The following FAM149B1 variants were observed in gnomAD, a reference collection of about 807,000 sequenced individuals.
FAM149B1 encodes primary cilium assembly protein FAM149B1.
A neutral mutation model predicts 75.3 loss-of-function variants in FAM149B1; 56 were observed. That is an observed-to-expected ratio of 0.74 (90% CI 0.60 to 0.93). The LOEUF (loss-of-function observed/expected upper bound fraction) is 0.93. Ranked by LOEUF, FAM149B1 falls within the 40% of genes least tolerant of loss-of-function variation. FAM149B1 has a pLI of 0.00. For synonymous variants in FAM149B1, 259 were observed against 256.1 expected, an observed-to-expected ratio of 1.01 and a Z score of -0.11; for missense variants, 639 against 708.4, an observed-to-expected ratio of 0.90 and a Z score of 1.11.
rs1333099840 is a variant in FAM149B1, at chr10:73,243,624, G to A, written c.*2605G>A. 1 of 1,447,098 alleles carries A rather than the reference G, an allele frequency of 6.9e-7. No individual in the cohort carries two copies. Among genetic ancestry groups the A allele is most frequent in the Non-Finnish European group, 9.4e-7 (1 of 1,060,924 alleles). The allele number at this position is 1,447,098 out of a possible 1,614,324, so 89.6% of individuals were successfully genotyped here. A position where few individuals can be genotyped will look rare whatever the true frequency, so the allele number is the denominator to read the frequency against. On this transcript the variant is annotated 3_prime_UTR_variant, in exon 14 of 14. Coordinates refer to ENST00000242505, the MANE Select transcript of FAM149B1 (RefSeq NM_173348.2). ...AAGTGGAATAACTACTAATGGGTAT[G>A]GAGTTTTTTTGGAATGGTGAAAATG...
intron 3 of FAM149B1, among the ~76,000 whole-genome samples, chr10:73,179,522 T>C (rs1479799090): frequency 6.6e-6 from 1 of 151,594 alleles, no homozygotes. Flanking sequence ...CAAGCCATCC[T>C]CCTGCCTCAG....
chr10:73,172,192 T>C (rs550566623), intron 1 of FAM149B1, among the ~76,000 whole-genome samples: 2 of 152,346 alleles, frequency 1.3e-5, no homozygotes, highest in African/African-American at 4.8e-5. Flanking sequence ...TTTCCACTTT[T>C]TCAAAGACAA....
chr10:73,234,977 C>A, intron 11 of FAM149B1, 37 bp downstream of exon 11: 1 of 1,548,010 alleles, frequency 6.5e-7, no homozygotes, highest in South Asian at 1.2e-5. Context: ...ATGTACTTAC[C>A]ATACAACCTA....
chr10:73,201,677 A>C (rs1191988727), intron 5 of FAM149B1, among the ~76,000 whole-genome samples: 2 of 152,256 alleles, frequency 1.3e-5, no homozygotes, highest in East Asian at 3.9e-4. Flanking sequence ...AGGCATTCGA[A>C]TGCATTTTAT....
chr10:73,219,550 T>C (rs113164240), intron 7 of FAM149B1, among the ~76,000 whole-genome samples: 3 of 152,194 alleles, frequency 2.0e-5, no homozygotes, highest in Admixed American at 1.3e-4. Context: ...GAAACTGGCA[T>C]AAGGACAGAC....
rs558516290 is a variant in FAM149B1, at chr10:73,210,388, T to C, written c.848T>C (p.Val283Ala). Residue 283 changes from valine to alanine, a missense_variant, in exon 7 of 14, where the codon GTG (valine) becomes GCG (alanine). Val to Ala is a moderately conservative substitution (Grantham distance 64). Transcript: ENST00000242505. ...YVFDSVWCKVVSCMEQLTRSH... is the reference protein window; with the variant it reads ...YVFDSVWCKVASCMEQLTRSH... ...TTTGACAGTGTATGGTGCAAGGTTGTGAGCTGTATGGAGCAGTTGACACGT... is the reference window on the plus strand; with the variant it reads ...TTTGACAGTGTATGGTGCAAGGTTGCGAGCTGTATGGAGCAGTTGACACGT... 2.2e-5 allele frequency: 34 copies of C among 1,549,964 alleles called. No individual in the cohort carries two copies. The highest frequency in any genetic ancestry group is 3.9e-5 in the Admixed American group (2 of 50,988).
intron 3 of FAM149B1, among the ~76,000 whole-genome samples, chr10:73,190,994 C>G (rs2042669047): frequency 6.6e-6 from 1 of 152,148 alleles, no homozygotes; most frequent in African/African-American, 2.4e-5. Flanking sequence ...GCTGAGATTA[C>G]AGGTGTGAAC....
intron 5 of FAM149B1, chr10:73,200,625 C>T (rs1201194402): frequency 4.7e-6 from 3 of 644,540 alleles, no homozygotes; most frequent in East Asian, 4.3e-5. Context: ...AAATTAAATA[C>T]AAGTATTTAG....
chr10:73,239,925 A>C (rs2043903637), intron 13 of FAM149B1, among the ~76,000 whole-genome samples: 5 of 152,158 alleles, frequency 3.3e-5, no homozygotes, highest in Admixed American at 3.3e-4. Context: ...GATGGGAGAA[A>C]ATTGAGGGAT....
At chr10:73,180,833 G>A (rs1270970684) in intron 3 of FAM149B1, among the ~76,000 whole-genome samples, 1 of 151,988 alleles carries the variant, frequency 6.6e-6, no homozygotes, top group Non-Finnish European at 1.5e-5. Flanking sequence ...TTTGTGCTAT[G>A]AAATAGTAGG....
chr10:73,219,018 T>G (rs769250688), intron 7 of FAM149B1, among the ~76,000 whole-genome samples: 28 of 152,172 alleles, frequency 1.8e-4, no homozygotes, highest in Non-Finnish European at 1.3e-4. Flanking sequence ...CTCCCTCCAG[T>G]GGCCAATAAC....
At chr10:73,196,042 T>C (rs1173164320) in intron 5 of FAM149B1, among the ~76,000 whole-genome samples, 1 of 152,196 alleles carries the variant, frequency 6.6e-6, no homozygotes, top group Non-Finnish European at 1.5e-5. Flanking sequence ...TTAGCAATAA[T>C]TAGTATTGAT....
At chr10:73,235,458 A>G in intron 12 of FAM149B1, 140 bp downstream of exon 12, 2 of 1,447,290 alleles carry the variant, frequency 1.4e-6, no homozygotes, top group Non-Finnish European at 1.8e-6. Context: ...AAAAAGTGTT[A>G]TAAATACATT....
At chr10:73,200,543 A>G in intron 5 of FAM149B1, 1 of 729,434 alleles carries the variant, frequency 1.4e-6, no homozygotes, top group South Asian at 1.5e-5. Context: ...ATGGATCAAA[A>G]TGTTTGTTTT....
intron 3 of FAM149B1, among the ~76,000 whole-genome samples, chr10:73,178,416 G>T (rs945150486): frequency 3.3e-5 from 5 of 152,038 alleles, no homozygotes; most frequent in Non-Finnish European, 7.4e-5. Flanking sequence ...GCTTGAACGC[G>T]GGAGGTGGAG....
At position 73,243,457 on chromosome 10, in the gene FAM149B1, G is replaced by A. The variant is rs749812194; in HGVS notation, c.*2438G>A. 1 of 1,613,870 alleles carries A rather than the reference G, an allele frequency of 6.2e-7. No homozygotes were observed. The highest frequency in any genetic ancestry group is 1.1e-5 in the South Asian group (1 of 91,072). ...TCCCTCCTCCTTTGGAAGATTTGCA[G>A]TACTTTGCTTCCATCTGAGCCAGAA... On this transcript the variant is annotated 3_prime_UTR_variant, in exon 14 of 14. Transcript: ENST00000242505.
intron 5 of FAM149B1, among the ~76,000 whole-genome samples, chr10:73,194,803 C>T (rs527692733): frequency 7.2e-5 from 11 of 152,162 alleles, no homozygotes; most frequent in African/African-American, 2.4e-4. Context: ...CCTGCCCCAG[C>T]CTCCTGATTA....
Position 73,230,304 on chromosome 10 carries a change from A to C in FAM149B1, c.1024-118A>C, listed in dbSNP as rs2043656872. ...GGGCCCCAAGATGTTATAAAAATTA[A>C]AGCATGGGGAAAAAGTATAAATAAC... On this transcript the variant is annotated intron_variant, in intron 8 of 13. Transcript: ENST00000242505. 7 of 632,230 alleles carry C rather than the reference A, an allele frequency of 1.1e-5. No individual in the cohort carries two copies. The Admixed American group carries it at 1.6e-4, about 14-fold the overall frequency. The allele number at this position is 632,230 out of a possible 1,614,324, so 39.2% of individuals were successfully genotyped here.
At chr10:73,198,562 T>C (rs983714609) in intron 5 of FAM149B1, among the ~76,000 whole-genome samples, 3 of 152,146 alleles carry the variant, frequency 2.0e-5, no homozygotes, top group African/African-American at 7.2e-5. Context: ...CCCAACACTT[T>C]GAGAGGCCGA....
Sources: allele counts gnomAD v4.1 joint callset (sites outside exome capture counted in the v4.1 genomes callset), GRCh38; gene constraint gnomAD v4.1.1; transcripts MANE v1.5; gene names NCBI Gene and HGNC (gene_info 2026-07-23, HGNC 2026-07-21).